Variants in ACAN observed in about 807,000 individuals in gnomAD.
The protein encoded by ACAN is aggrecan.
ACAN carries 47 observed loss-of-function variants against 169.1 expected under a neutral mutation model. The observed-to-expected ratio is 0.28, with a 90% CI of 0.22 to 0.35. The LOEUF (loss-of-function observed/expected upper bound fraction) is 0.35, where lower values mean the gene tolerates loss of function less well. Among genes scored for constraint, ACAN ranks in the 10% least tolerant of loss-of-function variants. The pLI is 1.00. For synonymous variants in ACAN, 1,115 were observed against 1,112.2 expected (o/e 1.00, Z -0.05); for missense variants, 2,716 against 2,759.9 (o/e 0.98, Z 0.36).
At position 88,871,297 on chromosome 15, in the gene ACAN, A is replaced by G; in HGVS notation, c.7061-85A>G. The stretch of plus-strand genomic sequence containing the variant: ...ACAGCATGGAAGGTGGGGTGAACGC[A>G]GGAACCTATGCCATAAGACTGGCAG... On this transcript the variant is annotated intron_variant, in intron 14 of 18. Transcript: ENST00000560601. This position sits in a 1 kb window ranked among gnomAD's most constrained non-coding sequence, Gnocchi z 7.8. The G allele has an allele frequency of 3.2e-6, 5 of 1,576,374 alleles. No individual in the cohort carries two copies. The highest frequency in any genetic ancestry group is 4.3e-6 in the Non-Finnish European group (5 of 1,157,526).
intron 1 of ACAN, among the ~76,000 whole-genome samples, chr15:88,823,195 A>G (rs1274007108): frequency 1.3e-5 from 2 of 152,166 alleles, no homozygotes; most frequent in African/African-American, 4.8e-5. Flanking sequence ...GCGCCAAGTA[A>G]AGGGAATTTA....
Position 88,835,238 on chromosome 15 carries a change from C to T in ACAN, c.-7-962C>T, listed in dbSNP as rs748862908. Among the ~76,000 whole-genome samples the T allele has an allele frequency of 2.6e-5, 4 of 152,132 alleles. No individual in the cohort carries two copies. In the South Asian group the frequency reaches 6.2e-4, roughly 24 times the overall value. ...GGAGGCTAGTCCATTCTAAAACACA[C>T]GTGATCTCTGGATTTGAAGTTGGTG... On this transcript the variant is annotated intron_variant, in intron 1 of 18. Transcript: ENST00000560601.
At position 88,861,863 on chromosome 15, in the gene ACAN, G is replaced by T. The variant is rs1024427730; in HGVS notation, c.6946+1424G>T. On this transcript the variant is annotated intron_variant, in intron 13 of 18. Coordinates refer to ENST00000560601, the MANE Select transcript of ACAN (RefSeq NM_001369268.1). This position sits in a 1 kb window ranked among gnomAD's most constrained non-coding sequence, Gnocchi z 6.3. ...TAATAGGAGTAAGTGTCAGTGGGCC[G>T]TAACTATTCTGCTGTAAGGACAGCC... 6.6e-6 allele frequency among the ~76,000 whole-genome samples: 1 copy of T among 152,188 alleles called. No homozygotes were observed. Among genetic ancestry groups the T allele is most frequent in the Non-Finnish European group, 1.5e-5 (1 of 68,034 alleles).
Position 88,855,287 on chromosome 15 carries a change from C to T in ACAN, c.2702C>T (p.Ser901Phe), listed in dbSNP as rs1162299565. ...ASGLPSGDLD[S>F]SGLTSTVGSG... The stretch of plus-strand genomic sequence containing the variant: ...GGACTGCCCTCTGGAGACCTGGACT[C>T]CAGTGGTCTTACTTCCACAGTGGGC... The change falls in exon 12 of 19, where the codon TCC (serine) becomes TTC (phenylalanine). Residue 901 changes from serine to phenylalanine, a missense_variant. By Grantham distance (155) the Ser-to-Phe change is radical. Transcript: ENST00000560601. The T allele has an allele frequency of 5.0e-6, 8 of 1,611,220 alleles. No individual in the cohort carries two copies. The East Asian group carries it at 1.3e-4, about 27-fold the overall frequency.
In ACAN at chr15:88,857,833, T is replaced by C. The variant is rs367732005; in HGVS notation, c.5248T>C (p.Ser1750Pro). The C allele has an allele frequency of 1.2e-6, 2 of 1,613,894 alleles. No homozygotes were observed. Among genetic ancestry groups the C allele is most frequent in the Non-Finnish European group, 8.5e-7 (1 of 1,179,900 alleles). The change falls in exon 12 of 19, where the codon TCT becomes CCT. Residue 1750 changes from serine (S) to proline (P), a missense_variant. Physicochemically the swap from Ser to Pro is moderately conservative, Grantham distance 74. This residue lies in a region of ACAN where 1,389 missense variants were observed against 1,363.7 expected (regional missense o/e 1.02). Transcript: ENST00000560601. ...GTTTCCTGACACTAGTGGGGAAACA[T>C]CTGGAGTGACTGAGCTTAGCGGGCT... Reference protein sequence around the residue: ...SGFPDTSGETSGVTELSGLSS... With the variant: ...SGFPDTSGETPGVTELSGLSS...
intron 13 of ACAN, among the ~76,000 whole-genome samples, chr15:88,867,530 G>T (rs932699796): frequency 6.6e-6 from 1 of 152,110 alleles, no homozygotes; most frequent in South Asian, 2.1e-4. Context: ...TGTTGGACAG[G>T]GTTTCCATCC....
chr15:88,857,790 C>T lies in ACAN; in HGVS notation c.5205C>T (p.Val1735=). The change falls in exon 12 of 19, where the codon GTC becomes GTT. Residue 1735 remains valine (V), a synonymous_variant. Transcript: ENST00000560601. ...GGGAAATACCTGGACTCTTTGGTGT[C>T]AGTGGACAGCCATCAGGGTTTCCTG... ...VSGEIPGLFG[V]SGQPSGFPDT... 1 of 1,613,942 alleles carries T rather than the reference C, an allele frequency of 6.2e-7. No individual in the cohort carries two copies. The highest frequency in any genetic ancestry group is 8.5e-7 in the Non-Finnish European group (1 of 1,179,892).
intron 1 of ACAN, among the ~76,000 whole-genome samples, chr15:88,826,896 A>G (rs1040151454): frequency 6.6e-6 from 1 of 152,206 alleles, no homozygotes; most frequent in South Asian, 2.1e-4. Context: ...AAATGCTGAG[A>G]AAACCATAGC....
chr15:88,830,323 A>G (rs1256442897), intron 1 of ACAN, among the ~76,000 whole-genome samples: 2 of 152,234 alleles, frequency 1.3e-5, no homozygotes, highest in African/African-American at 4.8e-5. Context: ...TATTATAGTC[A>G]TGCAACATTT....
intron 13 of ACAN, among the ~76,000 whole-genome samples, chr15:88,865,514 G>A (rs1448680666): frequency 2.0e-5 from 3 of 152,190 alleles, no homozygotes; most frequent in Non-Finnish European, 4.4e-5. Flanking sequence ...GCATAGTGAC[G>A]TCTTGCCACC....
chr15:88,827,484 G>A lies in ACAN; in HGVS notation c.-7-8716G>A, dbSNP rs932558093. Among the ~76,000 whole-genome samples the A allele has an allele frequency of 5.3e-5, 8 of 152,266 alleles. No homozygotes were observed. The South Asian group carries it at 1.7e-3, about 32-fold the overall frequency. Reference sequence around the variant, plus strand: ...CACCCATTAGTTGGGTGGCTACTTTGTGCAGAAACTGACCTCAGTGCCCCA... The same window carrying A: ...CACCCATTAGTTGGGTGGCTACTTTATGCAGAAACTGACCTCAGTGCCCCA... On this transcript the variant is annotated intron_variant, in intron 1 of 18. Transcript: ENST00000560601.
Position 88,858,457 on chromosome 15 carries a change from C to T in ACAN, c.5872C>T (p.Pro1958Ser). The T allele has an allele frequency of 6.2e-7, 1 of 1,613,712 alleles. No homozygotes were observed. The highest frequency in any genetic ancestry group is 8.5e-7 in the Non-Finnish European group (1 of 1,179,908). The change falls in exon 12 of 19, where the codon CCT (proline) becomes TCT (serine). Residue 1958 changes from proline (P) to serine (S), a missense_variant. Pro to Ser is a moderately conservative substitution (Grantham distance 74, BLOSUM62 -1). Transcript: ENST00000560601. The surrounding 1 kb of genome is among the most constrained non-coding windows in gnomAD (Gnocchi z 4.0). The stretch of plus-strand genomic sequence containing the variant: ...AACAGCCCAAGAGGCAGGAGAAGGG[C>T]CTTCTGGCATTTTAGAACTCAGTGG... The part of the protein sequence containing the change: ...APTAQEAGEG[P>S]SGILELSGAH...
intron 4 of ACAN, 99 bp downstream of exon 4, chr15:88,840,285 C>A: frequency 1.4e-6 from 2 of 1,385,022 alleles, no homozygotes; most frequent in Non-Finnish European, 1.9e-6. Context: ...TGAGCTGGTG[C>A]CAGCATGACA....
rs780899352 is a variant in ACAN, at chr15:88,845,496, C to G, written c.1052-9C>G. On this transcript the variant is annotated splice_polypyrimidine_tract_variant and intron_variant, in intron 6 of 18. Coordinates refer to ENST00000560601, the MANE Select transcript of ACAN (RefSeq NM_001369268.1). The stretch of plus-strand genomic sequence containing the variant: ...GAGAGGCTAAAGCTTGTCTTTGCCC[C>G]TCCCCTAGGTGAAGACTTTGTGGAC... 2 of 1,589,112 alleles carry G rather than the reference C, an allele frequency of 1.3e-6. No individual in the cohort carries two copies. Among genetic ancestry groups the G allele is most frequent in the Non-Finnish European group, 1.7e-6 (2 of 1,163,856 alleles).
Position 88,872,074 on chromosome 15 carries a change from G to A in ACAN, c.7291G>A (p.Gly2431Arg). ...CGAAGGGGACTTCCGCTGGTCAGAT[G>A]GACACCCCATGGTGAGTTCTGCTGT... ...TIEGDFRWSD[G>R]HPMQFENWRP... Residue 2431 changes from glycine to arginine, a missense_variant, in exon 16 of 19, where the codon GGA becomes AGA. By Grantham distance (125) the Gly-to-Arg change is moderately radical. Transcript: ENST00000560601. The surrounding 1 kb of genome is among the most constrained non-coding windows in gnomAD (Gnocchi z 5.4). 6.2e-7 allele frequency: 1 copy of A among 1,613,774 alleles called. No homozygotes were observed. The highest frequency in any genetic ancestry group is 8.5e-7 in the Non-Finnish European group (1 of 1,179,792).
In ACAN at chr15:88,865,458, A is replaced by G. The variant is rs927448944; in HGVS notation, c.6947-2758A>G. Among the ~76,000 whole-genome samples the G allele has an allele frequency of 2.6e-5, 4 of 151,846 alleles. No individual in the cohort carries two copies. In the East Asian group the frequency reaches 7.7e-4, roughly 29 times the overall value. On this transcript the variant is annotated intron_variant, in intron 13 of 18. Transcript: ENST00000560601. ...TCTTTCTTTTCTGTTTTGTTTTTACATCTCAAACATGTTAAAGAATTCACA... is the reference window on the plus strand; with the variant it reads ...TCTTTCTTTTCTGTTTTGTTTTTACGTCTCAAACATGTTAAAGAATTCACA...
Position 88,838,607 on chromosome 15 carries a change from G to A in ACAN, c.71-56G>A. ...GCTGGAAGGATGGATGGGGAGGCGGGGTGGTCCTCTCTAGGCACTAACAGG... is the reference window on the plus strand; with the variant it reads ...GCTGGAAGGATGGATGGGGAGGCGGAGTGGTCCTCTCTAGGCACTAACAGG... On this transcript the variant is annotated intron_variant, in intron 2 of 18. Coordinates refer to ENST00000560601, the MANE Select transcript of ACAN (RefSeq NM_001369268.1). The surrounding 1 kb of genome is among the most constrained non-coding windows in gnomAD (Gnocchi z 5.1). 1.8e-5 allele frequency: 27 copies of A among 1,525,366 alleles called. No individual in the cohort carries two copies. Among genetic ancestry groups the A allele is most frequent in the Non-Finnish European group, 2.4e-5 (27 of 1,134,032 alleles). 94.5% of individuals were successfully genotyped at this position (1,525,366 alleles called of 1,614,324 possible).
intron 1 of ACAN, among the ~76,000 whole-genome samples, chr15:88,806,516 A>G (rs1895687326): frequency 6.6e-6 from 1 of 151,960 alleles, no homozygotes; most frequent in Non-Finnish European, 1.5e-5. Flanking sequence ...CGCCCGGCTA[A>G]TTTTTGTATT....
At chr15:88,830,131 G>A (rs972336686) in intron 1 of ACAN, among the ~76,000 whole-genome samples, 11 of 152,168 alleles carry the variant, frequency 7.2e-5, no homozygotes, top group Non-Finnish European at 1.0e-4. Context: ...GGCCAGGGGA[G>A]GTGACATGGA....
Sources: allele counts gnomAD v4.1 joint callset (sites outside exome capture counted in the v4.1 genomes callset), GRCh38; gene constraint gnomAD v4.1.1; regional missense constraint gnomAD v4.1.1; non-coding constraint Gnocchi (gnomAD v3.1); transcripts MANE v1.5; gene names NCBI Gene and HGNC (gene_info 2026-07-23, HGNC 2026-07-21).